The following FRMD4A variants were observed in gnomAD, a reference collection of about 807,000 sequenced individuals.
FRMD4A encodes FERM domain-containing protein 4A.
FRMD4A carries 29 observed loss-of-function variants against 129.1 expected under a neutral mutation model. That is an observed-to-expected ratio of 0.22 (90% CI 0.17 to 0.31). The LOEUF (loss-of-function observed/expected upper bound fraction) is 0.31, where lower values mean the gene tolerates loss of function less well. FRMD4A is among the 10% of genes least tolerant of loss of function. The pLI is 1.00. For synonymous variants in FRMD4A, 634 were observed against 571.6 expected, an observed-to-expected ratio of 1.11 and a Z score of -1.56; for missense variants, 1,272 against 1,375.8, an observed-to-expected ratio of 0.92 and a Z score of 1.19.
At chr10:14,269,531 T>C (rs770376591) in intron 2 of FRMD4A, among the ~76,000 whole-genome samples, 1 of 152,162 alleles carries the variant, frequency 6.6e-6, no homozygotes, top group African/African-American at 2.4e-5. Context: ...TCAGAGCCAG[T>C]GGCGTTAACA....
intron 24 of FRMD4A, chr10:13,647,663 A>G (rs1034027808): frequency 1.3e-5 from 2 of 152,054 alleles, no homozygotes; most frequent in African/African-American, 4.8e-5. Flanking sequence ...TCTAAATAAC[A>G]TGCATTGTTT....
At chr10:13,835,104 T>A (rs2093852227) in intron 3 of FRMD4A, among the ~76,000 whole-genome samples, 1 of 152,190 alleles carries the variant, frequency 6.6e-6, no homozygotes, top group South Asian at 2.1e-4. Context: ...TCAAAATGCA[T>A]TCATTCAGCA....
chr10:13,808,918 T>A (rs116401342), intron 4 of FRMD4A, among the ~76,000 whole-genome samples: 2,752 of 152,244 alleles, frequency 0.018, 59 homozygotes, highest in African/African-American at 0.059. Context: ...AGCCTCCACA[T>A]AGCCAGCTCC....
At chr10:14,266,543 G>C (rs569263685) in intron 2 of FRMD4A, among the ~76,000 whole-genome samples, 140 of 145,124 alleles carry the variant, frequency 9.6e-4, no homozygotes, top group African/African-American at 3.7e-3. Context: ...GGCTATGTAG[G>C]GTTGTTTCAC....
intron 2 of FRMD4A, among the ~76,000 whole-genome samples, chr10:14,072,059 G>T (rs1366880774): frequency 3.3e-5 from 5 of 152,192 alleles, no homozygotes; most frequent in Non-Finnish European, 7.3e-5. Flanking sequence ...ATTGATTTAT[G>T]TTAACAACTT....
intron 2 of FRMD4A, among the ~76,000 whole-genome samples, chr10:13,884,240 A>ACACACCCC (rs200093883): frequency 1.4e-4 from 19 of 135,298 alleles, no homozygotes; most frequent in East Asian, 7.7e-4. Context: ...ACACACACAC[A>ACACACCCC]CTCCCTAAAA....
Position 13,645,548 on chromosome 10 carries a change from G to C in FRMD4A, c.*1490C>G, listed in dbSNP as rs1297131015. On this transcript the variant is annotated 3_prime_UTR_variant, in exon 25 of 25. Coordinates refer to ENST00000357447, the MANE Select transcript of FRMD4A (RefSeq NM_018027.5). ...ATAGCTCAAAACATGTAAACGTGCA[G>C]CTCCCACACATTAATTTTTTTCTTC... 6.6e-6 allele frequency: 1 copy of C among 152,616 alleles called. No individual in the cohort carries two copies. The highest frequency in any genetic ancestry group is 1.9e-4 in the East Asian group (1 of 5,200). The allele number at this position is 152,616 out of a possible 1,614,324, so 9.5% of individuals were successfully genotyped here.
At chr10:13,891,801 G>A in intron 2 of FRMD4A, 1 of 948,404 alleles carries the variant, frequency 1.1e-6, no homozygotes, top group Non-Finnish European at 1.3e-6. Flanking sequence ...CGGGCCCTCG[G>A]CGTCAGCCCA....
At chr10:14,266,722 T>G (rs1462344996) in intron 2 of FRMD4A, among the ~76,000 whole-genome samples, 1 of 152,262 alleles carries the variant, frequency 6.6e-6, no homozygotes, top group African/African-American at 2.4e-5. Flanking sequence ...GCCTTTATTT[T>G]CTTTCTTATC....
intron 3 of FRMD4A, among the ~76,000 whole-genome samples, chr10:13,824,136 G>T (rs1439582211): frequency 6.6e-6 from 1 of 151,862 alleles, no homozygotes; most frequent in African/African-American, 2.4e-5. Flanking sequence ...ATATCCACAG[G>T]TTCTGCATCT....
intron 2 of FRMD4A, among the ~76,000 whole-genome samples, chr10:14,248,196 G>C (rs968896936): frequency 2.5e-4 from 5 of 19,622 alleles, no homozygotes; most frequent in Non-Finnish European, 1.9e-3. Context: ...TTATGAGTTA[G>C]AAAACTAATC....
At chr10:14,304,940 C>T (rs1323820855) in intron 2 of FRMD4A, among the ~76,000 whole-genome samples, 2 of 152,210 alleles carry the variant, frequency 1.3e-5, no homozygotes, top group South Asian at 2.1e-4. Context: ...GGCAGATGCT[C>T]ACAGTGGAAA....
chr10:13,670,538 T>A lies in FRMD4A; in HGVS notation c.1252-10A>T. On this transcript the variant is annotated splice_polypyrimidine_tract_variant and intron_variant, in intron 16 of 24. Coordinates refer to ENST00000357447, the MANE Select transcript of FRMD4A (RefSeq NM_018027.5). The stretch of plus-strand genomic sequence containing the variant: ...GCTTGCCCGTGAGCTCCTGCATATG[T>A]GAAATGGCATTCGGAGTGAGCACAA... 1 of 1,611,740 alleles carries A rather than the reference T, an allele frequency of 6.2e-7. No homozygotes were observed. The highest frequency in any genetic ancestry group is 8.5e-7 in the Non-Finnish European group (1 of 1,178,546).
At chr10:13,881,499 A>T (rs2094546037) in intron 2 of FRMD4A, among the ~76,000 whole-genome samples, 1 of 152,196 alleles carries the variant, frequency 6.6e-6, no homozygotes, top group Non-Finnish European at 1.5e-5. Flanking sequence ...AGGCAGAGAG[A>T]GAAAGCAGAG....
intron 2 of FRMD4A, among the ~76,000 whole-genome samples, chr10:14,133,471 G>A (rs1181879191): frequency 6.6e-6 from 1 of 152,148 alleles, no homozygotes; most frequent in African/African-American, 2.4e-5. Flanking sequence ...CTAGATGCTT[G>A]GGCATCTCAA....
chr10:14,269,049 T>C (rs1214173837), intron 2 of FRMD4A, among the ~76,000 whole-genome samples: 1 of 152,202 alleles, frequency 6.6e-6, no homozygotes, highest in Non-Finnish European at 1.5e-5. Context: ...TATTTCTACT[T>C]CTAGTTGATT....
At chr10:14,015,297 TC>T (rs1309216229) in intron 2 of FRMD4A, among the ~76,000 whole-genome samples, 1 of 134,934 alleles carries the variant, frequency 7.4e-6, no homozygotes. Flanking sequence ...CTCCCTCCCT[TC>T]CTTTCATCCT....
intron 2 of FRMD4A, among the ~76,000 whole-genome samples, chr10:14,193,502 A>G (rs990562020): frequency 1.4e-5 from 2 of 147,094 alleles, no homozygotes; most frequent in Non-Finnish European, 3.0e-5. Flanking sequence ...AGAGTGTGCA[A>G]TGGAAACTTG....
At chr10:14,271,933 T>C (rs1292157861) in intron 2 of FRMD4A, among the ~76,000 whole-genome samples, 1 of 152,178 alleles carries the variant, frequency 6.6e-6, no homozygotes, top group Non-Finnish European at 1.5e-5. Flanking sequence ...GGCTGTTACC[T>C]CATAATTAGC....
Sources: allele counts gnomAD v4.1 joint callset (sites outside exome capture counted in the v4.1 genomes callset), GRCh38; gene constraint gnomAD v4.1.1; transcripts MANE v1.5; gene names NCBI Gene and HGNC (gene_info 2026-07-23, HGNC 2026-07-21).